RAP1GAP2: variants seen among roughly 807,000 people sequenced by gnomAD.
The protein encoded by RAP1GAP2 is RAP1 GTPase activating protein 2, also known as rap1 GTPase-activating protein 2.
A neutral mutation model predicts 95.0 loss-of-function variants in RAP1GAP2; 27 were observed. The observed-to-expected ratio is 0.28, with a 90% CI of 0.21 to 0.39. RAP1GAP2 has a LOEUF of 0.39. Among genes scored for constraint, RAP1GAP2 ranks in the 10% least tolerant of loss-of-function variants. The pLI, the probability that RAP1GAP2 is intolerant of heterozygous loss-of-function variation, is 1.00. For missense variants in RAP1GAP2, 771 were observed against 970.0 expected (o/e 0.79, Z 2.72); for synonymous variants, 373 against 380.9 (o/e 0.98, Z 0.24).
intron 14 of RAP1GAP2, among the ~76,000 whole-genome samples, chr17:2,999,910 T>C (rs2046096596): frequency 6.6e-6 from 1 of 152,228 alleles, no homozygotes; most frequent in African/African-American, 2.4e-5. Context: ...TGAGCAGTTT[T>C]AGCTGAAGCT....
At chr17:2,944,880 C>T (rs1340878236) in intron 3 of RAP1GAP2, among the ~76,000 whole-genome samples, 1 of 152,046 alleles carries the variant, frequency 6.6e-6, no homozygotes, top group East Asian at 1.9e-4. Flanking sequence ...CTTTTTAATG[C>T]TATTTTATTT....
At chr17:2,780,695 G>A (rs756363669) in intron 1 of RAP1GAP2, among the ~76,000 whole-genome samples, 84 of 152,318 alleles carry the variant, frequency 5.5e-4, no homozygotes, top group Non-Finnish European at 1.1e-3. Context: ...GCCTATGCTG[G>A]GAGACCCAGC....
intron 3 of RAP1GAP2, among the ~76,000 whole-genome samples, chr17:2,957,484 C>T (rs544582041): frequency 1.3e-5 from 2 of 152,320 alleles, no homozygotes; most frequent in African/African-American, 4.8e-5. Flanking sequence ...CAGGGGCCGG[C>T]AGGCCCCTTT....
chr17:2,897,863 C>T (rs1315255114), intron 2 of RAP1GAP2, among the ~76,000 whole-genome samples: 1 of 151,732 alleles, frequency 6.6e-6, no homozygotes, highest in African/African-American at 2.4e-5. Flanking sequence ...TCTCTGCATC[C>T]GTGAACCCTG....
chr17:2,885,436 T>G (rs923321022), intron 2 of RAP1GAP2, among the ~76,000 whole-genome samples: 2 of 152,184 alleles, frequency 1.3e-5, no homozygotes, highest in Admixed American at 6.5e-5. Context: ...ATCCAGCACA[T>G]AGTCCCTGCA....
chr17:2,882,548 C>T (rs2073347075), intron 2 of RAP1GAP2, among the ~76,000 whole-genome samples: 2 of 151,138 alleles, frequency 1.3e-5, no homozygotes, highest in Admixed American at 1.3e-4. Flanking sequence ...CCCTGGCCTC[C>T]CAAAGTGCTG....
intron 3 of RAP1GAP2, among the ~76,000 whole-genome samples, chr17:2,936,496 C>A (rs2043315599): frequency 6.6e-6 from 1 of 151,912 alleles, no homozygotes; most frequent in Non-Finnish European, 1.5e-5. Flanking sequence ...CCTCTCCTTC[C>A]TCCCTGCCTC....
At chr17:3,020,416 T>G in intron 18 of RAP1GAP2, 61 bp from the exon 19 acceptor site, 1 of 1,339,068 alleles carries the variant, frequency 7.5e-7, no homozygotes, top group Non-Finnish European at 1.1e-6. Context: ...GGGAGGAGGA[T>G]GAGGGGATAG....
chr17:2,790,896 G>A (rs2068906452), intron 1 of RAP1GAP2, among the ~76,000 whole-genome samples: 3 of 152,202 alleles, frequency 2.0e-5, no homozygotes, highest in African/African-American at 4.8e-5. Flanking sequence ...GGCTCTACCT[G>A]CCTCAAAAGC....
chr17:2,832,532 TG>T (rs1319175678), intron 2 of RAP1GAP2, among the ~76,000 whole-genome samples: 4 of 125,130 alleles, frequency 3.2e-5, no homozygotes, highest in Non-Finnish European at 6.4e-5. Flanking sequence ...CACTCCAGCC[TG>T]GGCGACAGAG....
chr17:2,957,931 G>A (rs2044181329), intron 4 of RAP1GAP2, 137 bp downstream of exon 4: 2 of 971,356 alleles, frequency 2.1e-6, no homozygotes, highest in Non-Finnish European at 1.5e-6. Flanking sequence ...CATCCCCTTG[G>A]CCCAGACAAC....
chr17:2,916,953 G>A (rs1427307658), intron 3 of RAP1GAP2, among the ~76,000 whole-genome samples: 1 of 152,202 alleles, frequency 6.6e-6, no homozygotes, highest in African/African-American at 2.4e-5. Flanking sequence ...TGCGAGCCAC[G>A]GGCTTCGGCC....
chr17:2,763,625 G>A (rs1377927151), intron 1 of RAP1GAP2, among the ~76,000 whole-genome samples: 1 of 152,066 alleles, frequency 6.6e-6, no homozygotes, highest in East Asian at 1.9e-4. Context: ...GAACTTGGGA[G>A]GTGGAGGTTG....
intron 3 of RAP1GAP2, among the ~76,000 whole-genome samples, chr17:2,927,385 C>A (rs550984158): frequency 9.2e-5 from 14 of 151,736 alleles, no homozygotes; most frequent in Non-Finnish European, 1.3e-4. Context: ...GATCTCCTGA[C>A]CTCGTGATCC....
At chr17:2,923,487 C>A (rs1199876896) in intron 3 of RAP1GAP2, among the ~76,000 whole-genome samples, 1 of 151,684 alleles carries the variant, frequency 6.6e-6, no homozygotes, top group Non-Finnish European at 1.5e-5. Flanking sequence ...TACCACCACG[C>A]CTGGCTAATT....
In RAP1GAP2 at chr17:2,919,725, C is replaced by T. The variant is rs147914923; in HGVS notation, c.165+14357C>T. Among the ~76,000 whole-genome samples, 35 of 152,164 alleles carry T rather than the reference C, an allele frequency of 2.3e-4. No homozygotes were observed. The East Asian group carries it at 6.4e-3, about 28-fold the overall frequency. ...TTTCTCTTTTTTTTCTTTTTTGAGACGGAGTCTTGCTCTGTTGCCCAGGCT... is the reference window on the plus strand; with the variant it reads ...TTTCTCTTTTTTTTCTTTTTTGAGATGGAGTCTTGCTCTGTTGCCCAGGCT... On this transcript the variant is annotated intron_variant, in intron 3 of 24. Coordinates refer to ENST00000254695, the MANE Select transcript of RAP1GAP2 (RefSeq NM_015085.5).
chr17:3,014,065 G>A (rs2046666467), intron 17 of RAP1GAP2, among the ~76,000 whole-genome samples: 1 of 151,378 alleles, frequency 6.6e-6, no homozygotes, highest in African/African-American at 2.4e-5. Flanking sequence ...GACACACGTC[G>A]GCTATAGAGC....
chr17:2,987,564 T>C (rs1403122554), intron 11 of RAP1GAP2, among the ~76,000 whole-genome samples: 1 of 152,084 alleles, frequency 6.6e-6, no homozygotes, highest in Non-Finnish European at 1.5e-5. Flanking sequence ...TTTCACCGTG[T>C]TGGTCAGGCT....
At chr17:2,856,673 C>T (rs1054021108) in intron 2 of RAP1GAP2, among the ~76,000 whole-genome samples, 3 of 152,104 alleles carry the variant, frequency 2.0e-5, no homozygotes, top group Admixed American at 6.6e-5. Context: ...GGGAAGGACC[C>T]GGATAGGGAC....
Sources: gnomAD v4.1 joint callset for allele counts (sites outside exome capture counted in the v4.1 genomes callset) on GRCh38, gnomAD v4.1.1 for gene constraint, MANE v1.5 for transcripts, NCBI Gene and HGNC (gene_info 2026-07-23, HGNC 2026-07-21) for gene names.